Variants in CKAP5 observed in about 807,000 individuals in gnomAD.
CKAP5 encodes the protein cytoskeleton-associated protein 5.
A neutral mutation model predicts 232.8 loss-of-function variants in CKAP5; 27 were observed. The observed-to-expected ratio is 0.12, with a 90% confidence interval of 0.09 to 0.16. The LOEUF is 0.16. CKAP5 is among the 10% of genes least tolerant of loss of function. The pLI, the probability that CKAP5 is intolerant of heterozygous loss-of-function variation, is 1.00. For synonymous variants in CKAP5, 785 were observed against 841.1 expected (o/e 0.93, Z 1.16); for missense variants, 1,838 against 2,424.7 (o/e 0.76, Z 5.08).
intron 16 of CKAP5, among the ~76,000 whole-genome samples, chr11:46,785,845 T>C (rs904510054): frequency 6.6e-6 from 1 of 152,098 alleles, no homozygotes; most frequent in African/African-American, 2.4e-5. Context: ...CTTGGGAGGC[T>C]GAGGTGGGAG....
At chr11:46,745,909 A>AC (rs962081709) in intron 42 of CKAP5, among the ~76,000 whole-genome samples, 1 of 152,112 alleles carries the variant, frequency 6.6e-6, no homozygotes, top group Non-Finnish European at 1.5e-5. Flanking sequence ...CCGAGATCGC[A>AC]CCACTGTACT....
chr11:46,756,133 C>T (rs993531541), intron 35 of CKAP5, among the ~76,000 whole-genome samples: 14 of 152,158 alleles, frequency 9.2e-5, no homozygotes, highest in African/African-American at 3.4e-4. Context: ...CTGGTTGTCA[C>T]TAATGATAAT....
At chr11:46,834,920 C>T (rs1050818715) in intron 1 of CKAP5, among the ~76,000 whole-genome samples, 1 of 152,098 alleles carries the variant, frequency 6.6e-6, no homozygotes, top group African/African-American at 2.4e-5. Context: ...ATCCTCCCAC[C>T]TCTGCCTCCC....
intron 17 of CKAP5, among the ~76,000 whole-genome samples, chr11:46,784,286 T>C (rs911496427): frequency 6.6e-6 from 1 of 151,976 alleles, no homozygotes; most frequent in African/African-American, 2.4e-5. Flanking sequence ...GAGAATCACT[T>C]GAACCCGGGA....
In CKAP5 at chr11:46,797,791, A is replaced by G; in HGVS notation, c.1338+14T>C. On this transcript the variant is annotated intron_variant, in intron 11 of 43. Transcript: ENST00000529230. ...GGTATAAAATATTCCCCCAACTTCA[A>G]AGAGAGTCTGTACCTTAAGTAGTGC... is the stretch of plus-strand genomic sequence containing the variant. 1.3e-6 allele frequency: 2 copies of G among 1,585,934 alleles called. No individual in the cohort carries two copies. The highest frequency in any genetic ancestry group is 2.0e-5 in the Admixed American group (1 of 50,632).
At chr11:46,823,372 A>C (rs558570996) in intron 1 of CKAP5, among the ~76,000 whole-genome samples, 14 of 152,230 alleles carry the variant, frequency 9.2e-5, no homozygotes, top group Non-Finnish European at 2.1e-4. Flanking sequence ...AACCATGATG[A>C]ACACTAAAGT....
chr11:46,798,377 C>A (rs1438170759), intron 9 of CKAP5, among the ~76,000 whole-genome samples: 6 of 151,972 alleles, frequency 3.9e-5, no homozygotes, highest in Non-Finnish European at 5.9e-5. Flanking sequence ...GAGTTCAAGA[C>A]CAGCCTGGGC....
At chr11:46,835,279 G>A (rs924094001) in intron 1 of CKAP5, among the ~76,000 whole-genome samples, 1 of 151,922 alleles carries the variant, frequency 6.6e-6, no homozygotes, top group Non-Finnish European at 1.5e-5. Context: ...TTACCTGGCT[G>A]TTTTGGCTGA....
intron 16 of CKAP5, among the ~76,000 whole-genome samples, chr11:46,785,921 T>G (rs951062974): frequency 6.6e-6 from 1 of 152,062 alleles, no homozygotes. Context: ...CTATCTAGCC[T>G]GGGCAAGAGA....
intron 13 of CKAP5, 53 bp downstream of exon 13, chr11:46,795,541 C>T: frequency 1.4e-6 from 2 of 1,457,834 alleles, no homozygotes; most frequent in South Asian, 2.7e-5. Context: ...CAACCACGAA[C>T]CTGAGACTCA....
In CKAP5 at chr11:46,788,741, T is replaced by A. The variant is rs747829891; in HGVS notation, c.1908A>T (p.Pro636=). The A allele has an allele frequency of 3.1e-6, 5 of 1,608,930 alleles. No individual in the cohort carries two copies. Among genetic ancestry groups the A allele is most frequent in the African/African-American group, 2.7e-5 (2 of 74,536 alleles). The change falls in exon 16 of 44, where the codon CCA becomes CCT. Residue 636 remains proline (P), a synonymous_variant. Coordinates refer to ENST00000529230, the MANE Select transcript of CKAP5 (RefSeq NM_001008938.4). ...AVELMDRTEM[P]CQALVRMLAK... is the part of the protein sequence containing the mutation. ...CTAGCATCCTCACTAATGCCTGGCA[T>A]GGCATTTCAGTTCGGTCCATTAGCT...
chr11:46,832,244 T>C (rs1168404053), intron 1 of CKAP5, among the ~76,000 whole-genome samples: 1 of 152,224 alleles, frequency 6.6e-6, no homozygotes, highest in East Asian at 1.9e-4. Flanking sequence ...GTAAACCCTT[T>C]TCAAAGTGAA....
intron 4 of CKAP5, among the ~76,000 whole-genome samples, chr11:46,812,026 T>C (rs1323743665): frequency 6.6e-6 from 1 of 152,188 alleles, no homozygotes; most frequent in Non-Finnish European, 1.5e-5. Flanking sequence ...TGTTGCATTT[T>C]GACTTCTTTC....
intron 16 of CKAP5, 145 bp downstream of exon 16, chr11:46,788,536 T>A (rs1362476584): frequency 9.2e-6 from 5 of 545,300 alleles, no homozygotes; most frequent in Non-Finnish European, 1.6e-5. Flanking sequence ...GTCGTGCCAT[T>A]GCACTCCAGC....
At chr11:46,779,296 C>A (rs1292786586) in intron 20 of CKAP5, among the ~76,000 whole-genome samples, 1 of 152,042 alleles carries the variant, frequency 6.6e-6, no homozygotes, top group Non-Finnish European at 1.5e-5. Context: ...CCACACTCGG[C>A]TGACTTTTGT....
At chr11:46,809,348 T>C in intron 7 of CKAP5, 52 bp downstream of exon 7, 1 of 1,199,882 alleles carries the variant, frequency 8.3e-7, no homozygotes, top group Non-Finnish European at 1.2e-6. Flanking sequence ...CTAATTCTAT[T>C]CAAGTAATTA....
intron 42 of CKAP5, among the ~76,000 whole-genome samples, chr11:46,747,579 G>A (rs1228228000): frequency 6.6e-6 from 1 of 150,620 alleles, no homozygotes; most frequent in Non-Finnish European, 1.5e-5. Flanking sequence ...TCCAGCCTGG[G>A]CGAGAGAGCA....
chr11:46,816,433 C>T (rs781276614), intron 3 of CKAP5, 29 bp from the exon 4 acceptor site: 1 of 1,586,318 alleles, frequency 6.3e-7, no homozygotes, highest in Non-Finnish European at 8.6e-7. Context: ...AACAAAAATC[C>T]CACTTAAGTA....
chr11:46,804,745 G>A (rs1939114091), intron 8 of CKAP5, among the ~76,000 whole-genome samples: 2 of 151,750 alleles, frequency 1.3e-5, no homozygotes, highest in Admixed American at 1.3e-4. Context: ...ATTAAGGGGG[G>A]AAAAGTAGAA....
Sources: allele counts gnomAD v4.1 joint callset (sites outside exome capture counted in the v4.1 genomes callset), GRCh38; gene constraint gnomAD v4.1.1; transcripts MANE v1.5; gene names NCBI Gene and HGNC (gene_info 2026-07-23, HGNC 2026-07-21).